The following KIAA1217 variants were observed in gnomAD, a reference collection of about 807,000 sequenced individuals.
The protein encoded by KIAA1217 is KIAA1217.
In KIAA1217, 88 loss-of-function variants were observed where a neutral mutation model predicts 163.9. That is an observed-to-expected ratio of 0.54 (90% confidence interval 0.45 to 0.64). The LOEUF is 0.64. Ranked by LOEUF, KIAA1217 falls within the 30% of genes least tolerant of loss-of-function variation. The pLI is 0.00. For missense variants in KIAA1217, 2,372 were observed against 2,475.0 expected, an observed-to-expected ratio of 0.96 and a Z score of 0.88; for synonymous variants, 903 against 923.1, an observed-to-expected ratio of 0.98 and a Z score of 0.39.
At chr10:23,704,172 G>GTGTGTGTGTATGTATA (rs1229370789) in intron 1 of KIAA1217, among the ~76,000 whole-genome samples, 1 of 39,926 alleles carries the variant, frequency 2.5e-5, no homozygotes, top group Non-Finnish European at 4.1e-5. Flanking sequence ...GTGTGTGTGT[G>GTGTGTGTGTATGTATA]TATATATATA....
At chr10:24,507,224 C>G (rs10828660) in intron 9 of KIAA1217, among the ~76,000 whole-genome samples, 45,354 of 151,930 alleles carry the variant, frequency 0.3, 7,069 homozygotes, top group Middle Eastern at 0.4. Flanking sequence ...AGAGAAAGTC[C>G]AAAATCTGTA....
intron 2 of KIAA1217, among the ~76,000 whole-genome samples, chr10:24,149,798 T>C (rs1458756243): frequency 6.6e-6 from 1 of 152,104 alleles, no homozygotes; most frequent in East Asian, 1.9e-4. Context: ...GTGACGCATA[T>C]CCCAGTTACC....
intron 3 of KIAA1217, among the ~76,000 whole-genome samples, chr10:24,422,107 A>T (rs971532428): frequency 1.3e-5 from 2 of 151,816 alleles, no homozygotes; most frequent in South Asian, 2.1e-4. Flanking sequence ...GTGTAGGGGA[A>T]CTCCCTTTTA....
chr10:23,792,133 T>A (rs927200979), intron 1 of KIAA1217, among the ~76,000 whole-genome samples: 9 of 152,232 alleles, frequency 5.9e-5, no homozygotes, highest in Non-Finnish European at 1.0e-4. Context: ...ATATGTTTTA[T>A]CTTTGCAAGC....
chr10:23,935,059 C>T (rs1291415734), intron 1 of KIAA1217, among the ~76,000 whole-genome samples: 2 of 152,164 alleles, frequency 1.3e-5, no homozygotes, highest in Non-Finnish European at 2.9e-5. Context: ...GTTCATATTA[C>T]CTCCATCACA....
At position 24,099,149 on chromosome 10, in the gene KIAA1217, T is replaced by A. The variant is rs187278233; in HGVS notation, c.-171+91775T>A. Among the ~76,000 whole-genome samples the A allele has an allele frequency of 2.1e-3, 325 of 152,088 alleles. 2 individuals are homozygous for A. Among genetic ancestry groups the A allele is most frequent in the East Asian group, 0.019 (97 of 5,172 alleles). On this transcript the variant is annotated intron_variant, in intron 2 of 18. Transcript: ENST00000376462. ...AGAAGTTGGGAAGGCCCTTTTCTTT[T>A]TTTTTATTTTTATTTTTATTTTTTT...
At position 23,812,318 on chromosome 10, in the gene KIAA1217, A is replaced by G. The variant is rs148389706; in HGVS notation, c.-321+117084A>G. On this transcript the variant is annotated intron_variant, in intron 1 of 18. Transcript: ENST00000376462. ...ATGTATAATCTATAATTAGTTGTAT[A>G]TACACAGTCACATTATTACTTCTAG... Among the ~76,000 whole-genome samples the G allele has an allele frequency of 3.9e-5, 6 of 152,346 alleles. No homozygotes were observed. In the East Asian group the frequency reaches 9.6e-4, roughly 24 times the overall value.
At chr10:23,763,449 A>G (rs1022516500) in intron 1 of KIAA1217, among the ~76,000 whole-genome samples, 3 of 152,164 alleles carry the variant, frequency 2.0e-5, no homozygotes, top group African/African-American at 7.2e-5. Flanking sequence ...AGACCCCAGA[A>G]ATAACACCAC....
intron 1 of KIAA1217, among the ~76,000 whole-genome samples, chr10:23,929,245 A>C (rs1263395992): frequency 6.6e-6 from 1 of 152,246 alleles, no homozygotes; most frequent in Admixed American, 6.5e-5. Flanking sequence ...TTCATGGCTA[A>C]CCACCACAAA....
chr10:24,106,710 C>G (rs540940612), intron 2 of KIAA1217, among the ~76,000 whole-genome samples: 1 of 152,200 alleles, frequency 6.6e-6, no homozygotes, highest in East Asian at 1.9e-4. Flanking sequence ...GCATTCTATA[C>G]CAGATGTACA....
chr10:24,335,947 C>T (rs756613006), intron 2 of KIAA1217, among the ~76,000 whole-genome samples: 10 of 152,286 alleles, frequency 6.6e-5, no homozygotes, highest in Non-Finnish European at 1.0e-4. Flanking sequence ...TTTGGCTGAG[C>T]GCAGTGGCTC....
chr10:24,200,097 C>T (rs1348322611), intron 2 of KIAA1217, among the ~76,000 whole-genome samples: 4 of 152,028 alleles, frequency 2.6e-5, no homozygotes, highest in Admixed American at 2.6e-4. Flanking sequence ...TCCTTCTCTA[C>T]CTCCTGCTGC....
chr10:24,515,084 T>G (rs1242842812), intron 10 of KIAA1217, among the ~76,000 whole-genome samples: 1 of 152,034 alleles, frequency 6.6e-6, no homozygotes, highest in Non-Finnish European at 1.5e-5. Context: ...AAAATTTTTT[T>G]GAGTTGGAGT....
At chr10:24,301,218 T>A (rs948298346) in intron 2 of KIAA1217, among the ~76,000 whole-genome samples, 2 of 152,192 alleles carry the variant, frequency 1.3e-5, no homozygotes, top group South Asian at 2.1e-4. Flanking sequence ...TTCTCTTTAG[T>A]CTTGGCATCT....
chr10:24,143,870 A>G (rs189181396), intron 2 of KIAA1217, among the ~76,000 whole-genome samples: 4 of 152,190 alleles, frequency 2.6e-5, no homozygotes, highest in South Asian at 2.1e-4. Context: ...GCAGGATCAT[A>G]TGGTACCAGG....
At chr10:24,248,449 T>A (rs1055370601) in intron 2 of KIAA1217, among the ~76,000 whole-genome samples, 1 of 152,090 alleles carries the variant, frequency 6.6e-6, no homozygotes, top group African/African-American at 2.4e-5. Context: ...GGCAGGTGGA[T>A]CACCTGAGGT....
At chr10:23,700,810 C>T (rs1040068305) in intron 1 of KIAA1217, among the ~76,000 whole-genome samples, 1 of 152,160 alleles carries the variant, frequency 6.6e-6, no homozygotes, top group Non-Finnish European at 1.5e-5. Flanking sequence ...TCCTTTTTTG[C>T]ACTAATTTCC....
chr10:23,867,636 G>T (rs1480240116), intron 1 of KIAA1217, among the ~76,000 whole-genome samples: 1 of 152,134 alleles, frequency 6.6e-6, no homozygotes, highest in East Asian at 1.9e-4. Context: ...TTTTTTGGCT[G>T]CATAAATATC....
chr10:24,097,734 A>G (rs1408090551), intron 2 of KIAA1217, among the ~76,000 whole-genome samples: 5 of 152,238 alleles, frequency 3.3e-5, no homozygotes, highest in African/African-American at 4.8e-5. Flanking sequence ...AACAGAAGTC[A>G]TATTTCAAAG....
Sources: gnomAD v4.1 joint callset for allele counts (sites outside exome capture counted in the v4.1 genomes callset) on GRCh38, gnomAD v4.1.1 for gene constraint, MANE v1.5 for transcripts, NCBI Gene and HGNC (gene_info 2026-07-23, HGNC 2026-07-21) for gene names.